CDIP1: variants seen among roughly 807,000 people sequenced by gnomAD.
CDIP1 encodes cell death-inducing p53-target protein 1.
CDIP1 carries 9 observed loss-of-function variants against 17.7 expected under a neutral mutation model. The observed-to-expected ratio is 0.51, with a 90% CI of 0.31 to 0.89. The LOEUF (loss-of-function observed/expected upper bound fraction) is 0.89, where lower values mean the gene tolerates loss of function less well. Ranked by LOEUF, CDIP1 falls within the 40% of genes least tolerant of loss-of-function variation. The probability of loss-of-function intolerance (pLI) is 0.05; values close to 1 mark genes in which losing one functional copy is unlikely to be tolerated. For missense variants in CDIP1, 263 were observed against 277.9 expected (o/e 0.95, Z 0.38); for synonymous variants, 117 against 109.5 (o/e 1.07, Z -0.43).
rs1209527164 is a variant in CDIP1, at chr16:4,514,238, C to T, written c.-14-94G>A. On this transcript the variant is annotated intron_variant, in intron 2 of 5. Transcript: ENST00000567695. This position sits in a 1 kb window ranked among gnomAD's most constrained non-coding sequence, Gnocchi z 5.2. ...GGGGTGGCCAAGATGCTGCACAAGGCGTGTGACCATCCTCAGAAGGGTCTG... is the reference window on the plus strand; with the variant it reads ...GGGGTGGCCAAGATGCTGCACAAGGTGTGTGACCATCCTCAGAAGGGTCTG... 3 of 693,242 alleles carry T rather than the reference C, an allele frequency of 4.3e-6. No homozygotes were observed. Among genetic ancestry groups the T allele is most frequent in the Non-Finnish European group, 7.2e-6 (3 of 417,898 alleles). 42.9% of individuals were successfully genotyped at this position (693,242 alleles called of 1,614,324 possible).
chr16:4,531,793 G>C (rs1018511353), intron 1 of CDIP1, among the ~76,000 whole-genome samples: 1 of 152,160 alleles, frequency 6.6e-6, no homozygotes, highest in African/African-American at 2.4e-5. Flanking sequence ...CACTTGAGTG[G>C]GATCTCACAC....
intron 1 of CDIP1, among the ~76,000 whole-genome samples, chr16:4,530,660 A>AAG (rs1486390206): frequency 4.7e-4 from 69 of 146,794 alleles, no homozygotes; most frequent in Non-Finnish European, 8.4e-4. Flanking sequence ...AAAAAAAAAA[A>AAG]CAAAAACAAA....
intron 1 of CDIP1, among the ~76,000 whole-genome samples, chr16:4,521,898 G>GAA (rs1306519821): frequency 1.3e-5 from 2 of 152,164 alleles, no homozygotes; most frequent in Non-Finnish European, 2.9e-5. Flanking sequence ...GCCTGCAGCA[G>GAA]AAACGCTGGG....
chr16:4,519,443 C>T (rs148868739), intron 1 of CDIP1, among the ~76,000 whole-genome samples: 12 of 152,322 alleles, frequency 7.9e-5, no homozygotes, highest in Admixed American at 1.3e-4. Context: ...TTGCGACCTG[C>T]GCTTCTGACA....
intron 1 of CDIP1, among the ~76,000 whole-genome samples, chr16:4,536,177 A>G (rs919800271): frequency 6.6e-6 from 1 of 152,218 alleles, no homozygotes; most frequent in African/African-American, 2.4e-5. Flanking sequence ...TATGAGTAAA[A>G]ACATGTCCTT....
chr16:4,518,943 G>C (rs2058916208), intron 1 of CDIP1, among the ~76,000 whole-genome samples: 1 of 152,222 alleles, frequency 6.6e-6, no homozygotes, highest in African/African-American at 2.4e-5. Flanking sequence ...GTTCCCAACA[G>C]AGGAGGAAGG....
intron 1 of CDIP1, chr16:4,522,289 G>A (rs536214105): frequency 6.6e-6 from 1 of 152,432 alleles, no homozygotes; most frequent in Admixed American, 6.5e-5. Flanking sequence ...AGTGCCCAAG[G>A]TTGGCAATGC....
At position 4,513,808 on chromosome 16, in the gene CDIP1, T is replaced by C; in HGVS notation, c.129A>G (p.Pro43=). Residue 43 remains proline, a synonymous_variant, in exon 4 of 6, where the codon CCA becomes CCG. Coordinates refer to ENST00000567695, the MANE Select transcript of CDIP1 (RefSeq NM_013399.3). The surrounding 1 kb of genome is among the most constrained non-coding windows in gnomAD (Gnocchi z 4.1). ...PAVMQPPPGM[P]LPPADIGPPP... ...GGGGGCCAATGTCCGCAGGGGGCAGTGGCATGCCTGGAGGGGGCTGCATCA... is the reference window on the plus strand; with the variant it reads ...GGGGGCCAATGTCCGCAGGGGGCAGCGGCATGCCTGGAGGGGGCTGCATCA... 1 of 1,598,692 alleles carries C rather than the reference T, an allele frequency of 6.3e-7. No individual in the cohort carries two copies. The highest frequency in any genetic ancestry group is 8.5e-7 in the Non-Finnish European group (1 of 1,171,872).
In CDIP1 at chr16:4,513,956, C is replaced by T; in HGVS notation, c.85+90G>A. 1 of 1,360,600 alleles carries T rather than the reference C, an allele frequency of 7.3e-7. No homozygotes were observed. Among genetic ancestry groups the T allele is most frequent in the Non-Finnish European group, 1.0e-6 (1 of 1,003,010 alleles). 84.3% of individuals were successfully genotyped at this position (1,360,600 alleles called of 1,614,324 possible). ...ACACAGATGGGGCCCAGGGGTAACC[C>T]TGGAGTGGGCATCACCACTTAGAGA... On this transcript the variant is annotated intron_variant, in intron 3 of 5. Coordinates refer to ENST00000567695, the MANE Select transcript of CDIP1 (RefSeq NM_013399.3). The surrounding 1 kb of genome is among the most constrained non-coding windows in gnomAD (Gnocchi z 4.1).
chr16:4,535,494 G>A (rs924602877), intron 1 of CDIP1, among the ~76,000 whole-genome samples: 2 of 152,226 alleles, frequency 1.3e-5, no homozygotes, highest in African/African-American at 2.4e-5. Flanking sequence ...TTTGTCTGCC[G>A]TCAGGGACCC....
At chr16:4,526,568 C>T (rs1448642859) in intron 1 of CDIP1, among the ~76,000 whole-genome samples, 48 of 151,738 alleles carry the variant, frequency 3.2e-4, no homozygotes, top group Non-Finnish European at 4.4e-5. Flanking sequence ...GGCATGATGG[C>T]GGGCGCCTGC....
chr16:4,522,470 G>C (rs2058961042), intron 1 of CDIP1: 1 of 152,236 alleles, frequency 6.6e-6, no homozygotes, highest in Non-Finnish European at 1.5e-5. Flanking sequence ...GGGCTCCTCT[G>C]TCCCCAGGAG....
chr16:4,536,585 C>G (rs1466725166), intron 1 of CDIP1: 1 of 152,116 alleles, frequency 6.6e-6, no homozygotes, highest in African/African-American at 2.4e-5. Flanking sequence ...TACTTTACAT[C>G]ATACAGTCAA....
At chr16:4,517,761 A>C (rs1022194283) in intron 1 of CDIP1, among the ~76,000 whole-genome samples, 3 of 151,862 alleles carry the variant, frequency 2.0e-5, no homozygotes, top group Admixed American at 6.6e-5. Flanking sequence ...AAAAAAAAAA[A>C]CAGAACAGGG....
chr16:4,511,908 G>A lies in CDIP1; in HGVS notation c.*664C>T, dbSNP rs535575785. ...TACCAGGGTCTGATCATTCACCCAG[G>A]TACAGTGTCCTCTCTACCTGACACC... On this transcript the variant is annotated 3_prime_UTR_variant, in exon 6 of 6. Coordinates refer to ENST00000567695, the MANE Select transcript of CDIP1 (RefSeq NM_013399.3). The A allele has an allele frequency of 9.8e-5, 15 of 153,724 alleles. No homozygotes were observed. The highest frequency in any genetic ancestry group is 7.1e-4 in the Admixed American group (11 of 15,490). 9.5% of individuals were successfully genotyped at this position (153,724 alleles called of 1,614,324 possible). A position where few individuals can be genotyped will look rare whatever the true frequency, so the allele number is the denominator to read the frequency against.
chr16:4,530,984 C>T (rs1267956074), intron 1 of CDIP1, among the ~76,000 whole-genome samples: 2 of 152,028 alleles, frequency 1.3e-5, no homozygotes, highest in African/African-American at 4.8e-5. Context: ...ATTCTGGAAG[C>T]TTGGGAAAAC....
chr16:4,537,677 T>G (rs1418246651), intron 1 of CDIP1, among the ~76,000 whole-genome samples: 2 of 152,202 alleles, frequency 1.3e-5, no homozygotes, highest in African/African-American at 4.8e-5. Flanking sequence ...GCGACGGAAC[T>G]ACAGCATCCC....
At chr16:4,531,901 G>T (rs2059060252) in intron 1 of CDIP1, among the ~76,000 whole-genome samples, 1 of 152,268 alleles carries the variant, frequency 6.6e-6, no homozygotes. Flanking sequence ...ACAAAAAGCT[G>T]AAGTGGCAGT....
intron 1 of CDIP1, among the ~76,000 whole-genome samples, chr16:4,535,579 C>T (rs1384709957): frequency 2.6e-5 from 4 of 152,248 alleles, no homozygotes; most frequent in South Asian, 2.1e-4. Context: ...ATCACAGACG[C>T]GGCCAGCAAG....
Sources: gnomAD v4.1 joint callset for allele counts (sites outside exome capture counted in the v4.1 genomes callset) on GRCh38, gnomAD v4.1.1 for gene constraint, Gnocchi (gnomAD v3.1) non-coding constraint, MANE v1.5 for transcripts, NCBI Gene and HGNC (gene_info 2026-07-23, HGNC 2026-07-21) for gene names.